Variants in NCALD observed in about 807,000 individuals in gnomAD.
NCALD encodes neurocalcin-delta.
In NCALD, 10 loss-of-function variants were observed where a neutral mutation model predicts 18.6. That is an observed-to-expected ratio of 0.54 (90% CI 0.33 to 0.91). The LOEUF is 0.91. Among genes scored for constraint, NCALD ranks in the 40% least tolerant of loss-of-function variants. The pLI is 0.03. For missense variants in NCALD, 184 were observed against 247.6 expected (o/e 0.74, Z 1.72); for synonymous variants, 88 against 87.4 (o/e 1.01, Z -0.04).
intron 1 of NCALD, among the ~76,000 whole-genome samples, chr8:102,033,961 T>C (rs1316929555): frequency 6.6e-6 from 1 of 151,918 alleles, no homozygotes; most frequent in Non-Finnish European, 1.5e-5. Context: ...TATATATAAA[T>C]GTAAATCCTA....
chr8:101,834,791 T>C lies in NCALD; in HGVS notation c.-20+52350A>G, dbSNP rs558750146. ...GGTCAGGGGAGGAACTTAAGACACT[T>C]TATCAACCTATCCTACATGTAGGCC... On this transcript the variant is annotated intron_variant, in intron 4 of 6. Transcript: ENST00000311028. Among the ~76,000 whole-genome samples, 7 of 152,312 alleles carry C rather than the reference T, an allele frequency of 4.6e-5. No homozygotes were observed. The South Asian group carries it at 1.2e-3, about 27-fold the overall frequency.
At chr8:101,855,911 T>C (rs1815298406) in intron 4 of NCALD, among the ~76,000 whole-genome samples, 1 of 152,218 alleles carries the variant, frequency 6.6e-6, no homozygotes, top group Non-Finnish European at 1.5e-5. Context: ...GTAATCATTT[T>C]CCCTTCCTTT....
chr8:102,074,560 A>T (rs945912462), intron 1 of NCALD, among the ~76,000 whole-genome samples: 3 of 152,130 alleles, frequency 2.0e-5, no homozygotes, highest in Admixed American at 6.5e-5. Context: ...TTGTGCCCCA[A>T]ACCCAGACTG....
intron 1 of NCALD, among the ~76,000 whole-genome samples, chr8:102,045,822 C>T (rs1391368765): frequency 6.6e-6 from 1 of 152,134 alleles, no homozygotes; most frequent in Non-Finnish European, 1.5e-5. Context: ...AAACTGATTC[C>T]ATAATCACCA....
chr8:102,101,134 C>T (rs1331657985), intron 1 of NCALD, among the ~76,000 whole-genome samples: 1 of 152,162 alleles, frequency 6.6e-6, no homozygotes, highest in Non-Finnish European at 1.5e-5. Flanking sequence ...CATATGGGCA[C>T]GTGAAGCCAG....
At chr8:101,989,320 G>C (rs1322136497) in intron 2 of NCALD, among the ~76,000 whole-genome samples, 1 of 152,122 alleles carries the variant, frequency 6.6e-6, no homozygotes, top group Non-Finnish European at 1.5e-5. Context: ...AAATATTCTG[G>C]CAATGTGTAT....
chr8:101,794,630 T>C (rs1812570286), upstream of NCALD, among the ~76,000 whole-genome samples: 1 of 152,214 alleles, frequency 6.6e-6, no homozygotes, highest in South Asian at 2.1e-4. Flanking sequence ...ATCGAGTGCT[T>C]ACTACATGTG....
intron 1 of NCALD, among the ~76,000 whole-genome samples, chr8:102,042,337 G>A (rs1271531552): frequency 6.6e-6 from 1 of 151,906 alleles, no homozygotes; most frequent in Non-Finnish European, 1.5e-5. Context: ...TTTAACCCTT[G>A]GGAAAGGTTT....
chr8:101,714,297 C>A (rs531775323), intron 2 of NCALD, among the ~76,000 whole-genome samples: 21 of 152,326 alleles, frequency 1.4e-4, no homozygotes, highest in Admixed American at 1.0e-3. Flanking sequence ...AGCAAAGTCT[C>A]AGGATACAAA....
At chr8:101,957,288 GGT>G (rs1491305820) in intron 2 of NCALD, among the ~76,000 whole-genome samples, 2 of 128,252 alleles carry the variant, frequency 1.6e-5, no homozygotes, top group East Asian at 2.3e-4. Flanking sequence ...GAAAAGTTGG[GGT>G]TTTTTTTTTT....
At chr8:101,751,789 C>G (rs2130777856) in intron 1 of NCALD, among the ~76,000 whole-genome samples, 1 of 152,292 alleles carries the variant, frequency 6.6e-6, no homozygotes, top group East Asian at 1.9e-4. Context: ...ATTCGGGAGA[C>G]AGCCTGCCCC....
At chr8:101,850,544 G>C (rs964425827) in intron 4 of NCALD, among the ~76,000 whole-genome samples, 2 of 152,052 alleles carry the variant, frequency 1.3e-5, no homozygotes, top group Non-Finnish European at 2.9e-5. Flanking sequence ...AGGCTGTTGC[G>C]GGCTCTTGGA....
chr8:101,953,598 T>G (rs1403241013), intron 2 of NCALD, among the ~76,000 whole-genome samples: 1 of 152,088 alleles, frequency 6.6e-6, no homozygotes, highest in Non-Finnish European at 1.5e-5. Context: ...AATAAAACAG[T>G]TTAAAGAGAA....
At chr8:101,718,180 AC>A (rs1370691156) in intron 2 of NCALD, among the ~76,000 whole-genome samples, 1 of 152,180 alleles carries the variant, frequency 6.6e-6, no homozygotes, top group East Asian at 1.9e-4. Flanking sequence ...CTGTGAATGG[AC>A]TGAGGTGCTT....
intron 2 of NCALD, among the ~76,000 whole-genome samples, chr8:102,005,867 G>A (rs540479699): frequency 2.2e-3 from 318 of 146,524 alleles, no homozygotes; most frequent in Non-Finnish European, 3.7e-3. Context: ...ATCACACACT[G>A]GGGCCTGTTG....
intron 1 of NCALD, among the ~76,000 whole-genome samples, chr8:101,787,965 A>G (rs921821456): frequency 2.0e-5 from 3 of 152,202 alleles, no homozygotes; most frequent in Non-Finnish European, 4.4e-5. Context: ...TACTAACACT[A>G]TGAGTTTTCC....
chr8:101,692,958 C>T, intron 2 of NCALD, 62 bp from the exon 3 acceptor site: 1 of 1,212,482 alleles, frequency 8.2e-7, no homozygotes, highest in Non-Finnish European at 1.2e-6. Context: ...ATAGACCTAT[C>T]ATTAAACCTC....
At chr8:102,007,455 C>G (rs1764438738) in intron 2 of NCALD, among the ~76,000 whole-genome samples, 1 of 152,204 alleles carries the variant, frequency 6.6e-6, no homozygotes. Flanking sequence ...GGCTTGAGGA[C>G]TGAACCTTGA....
At chr8:102,060,946 C>T (rs1418486522) in intron 1 of NCALD, among the ~76,000 whole-genome samples, 1 of 152,146 alleles carries the variant, frequency 6.6e-6, no homozygotes, top group Admixed American at 6.5e-5. Flanking sequence ...CATCTGGAAA[C>T]AAAGCGACAA....
Sources: allele counts gnomAD v4.1 joint callset (sites outside exome capture counted in the v4.1 genomes callset), GRCh38; gene constraint gnomAD v4.1.1; transcripts MANE v1.5; gene names NCBI Gene and HGNC (gene_info 2026-07-23, HGNC 2026-07-21).